Variants in PRKN observed in about 807,000 individuals in gnomAD.
PRKN encodes the protein E3 ubiquitin-protein ligase parkin.
A neutral mutation model predicts 59.5 loss-of-function variants in PRKN; 56 were observed. The ratio of observed to expected loss-of-function variants is 0.94; its 90% CI spans 0.76 to 1.18. The LOEUF is 1.18. PRKN is among the 50% of genes most tolerant of loss of function. The pLI, the probability that PRKN is intolerant of heterozygous loss-of-function variation, is 0.00. For missense variants in PRKN, 657 were observed against 596.4 expected (o/e 1.10, Z -1.06); for synonymous variants, 250 against 222.1 (o/e 1.13, Z -1.12).
At chr6:161,737,659 G>C (rs1230614887) in intron 7 of PRKN, among the ~76,000 whole-genome samples, 2 of 152,146 alleles carry the variant, frequency 1.3e-5, no homozygotes, top group Admixed American at 1.3e-4. Flanking sequence ...AGCCCAGCAA[G>C]ATTACAGAGC....
At chr6:161,791,105 C>T (rs1443765207) in intron 6 of PRKN, among the ~76,000 whole-genome samples, 1 of 152,092 alleles carries the variant, frequency 6.6e-6, no homozygotes. Flanking sequence ...GATGATTTCA[C>T]CCCAATGGGC....
rs1215777570 is a variant in PRKN at position 161,446,663 on chromosome 6, C to T, written c.1084-59786G>A. Among the ~76,000 whole-genome samples the T allele has an allele frequency of 2.0e-5, 3 of 152,096 alleles. No individual in the cohort carries two copies. Among genetic ancestry groups the T allele is most frequent in the East Asian group, 1.9e-4 (1 of 5,192 alleles). The stretch of plus-strand genomic sequence containing the variant: ...TCTTTTCTACCCATGATTTATTAGA[C>T]CTCCCCTTTCTATCAAATTAAAGCT... On this transcript the variant is annotated intron_variant, in intron 9 of 11. Coordinates refer to ENST00000366898, the MANE Select transcript of PRKN (RefSeq NM_004562.3). This position sits in a 1 kb window ranked among gnomAD's most constrained non-coding sequence, Gnocchi z 6.2.
chr6:162,365,502 G>A (rs985078635), intron 2 of PRKN, among the ~76,000 whole-genome samples: 9 of 151,964 alleles, frequency 5.9e-5, no homozygotes, highest in Admixed American at 2.6e-4. Context: ...GGACTCTTAC[G>A]TGATTTACTA....
At chr6:162,081,277 G>T (rs1252145317) in intron 4 of PRKN, among the ~76,000 whole-genome samples, 1 of 152,004 alleles carries the variant, frequency 6.6e-6, no homozygotes. Context: ...ACTTTCCCCA[G>T]ATCCATCAGA....
intron 6 of PRKN, among the ~76,000 whole-genome samples, chr6:161,867,969 C>T (rs1055977775): frequency 1.3e-5 from 2 of 151,710 alleles, no homozygotes; most frequent in Non-Finnish European, 2.9e-5. Flanking sequence ...CCATGTTGGC[C>T]ATTCTGGTCT....
chr6:162,283,969 T>A (rs1043298994), intron 2 of PRKN, among the ~76,000 whole-genome samples: 2 of 152,130 alleles, frequency 1.3e-5, no homozygotes, highest in South Asian at 4.1e-4. Flanking sequence ...ACAAACATAC[T>A]AAGTACACAT....
intron 6 of PRKN, among the ~76,000 whole-genome samples, chr6:161,808,274 A>T (rs1402133396): frequency 6.6e-6 from 1 of 152,292 alleles, no homozygotes; most frequent in South Asian, 2.1e-4. Flanking sequence ...TATTCTGCAA[A>T]GGACATCATT....
At chr6:162,727,127 A>T (rs1779261474) in intron 1 of PRKN, 1 of 152,570 alleles carries the variant, frequency 6.6e-6, no homozygotes, top group Non-Finnish European at 1.5e-5. Context: ...CGAGGGAGCA[A>T]GTTTAGATCT....
At chr6:162,521,025 T>G (rs1317198144) in intron 1 of PRKN, among the ~76,000 whole-genome samples, 2 of 152,158 alleles carry the variant, frequency 1.3e-5, no homozygotes, top group African/African-American at 4.8e-5. Context: ...AAATCCATGA[T>G]TAATATTTTT....
chr6:162,568,419 C>T lies in PRKN; in HGVS notation c.8-124946G>A, dbSNP rs959272395. The stretch of plus-strand genomic sequence containing the variant: ...ACCCAGAAGTCCTATAAGGTGTCCA[C>T]CTCTATGGGCAGCAGCAGCTTCCGG... On this transcript the variant is annotated intron_variant, in intron 1 of 11. Coordinates refer to ENST00000366898, the MANE Select transcript of PRKN (RefSeq NM_004562.3). 15 of 575,048 alleles carry T rather than the reference C, an allele frequency of 2.6e-5. No individual in the cohort carries two copies. In the Admixed American group the frequency reaches 3.3e-4, roughly 13 times the overall value. The allele number at this position is 575,048 out of a possible 1,614,324, so 35.6% of individuals were successfully genotyped here.
chr6:161,364,194 A>G (rs1379431320), intron 10 of PRKN, among the ~76,000 whole-genome samples: 1 of 149,318 alleles, frequency 6.7e-6, no homozygotes, highest in African/African-American at 2.5e-5. Context: ...AAAAGAAAAG[A>G]AAACAAACAA....
chr6:161,662,831 C>A (rs189965814), intron 7 of PRKN, among the ~76,000 whole-genome samples: 109 of 152,232 alleles, frequency 7.2e-4, no homozygotes, highest in African/African-American at 2.5e-3. Flanking sequence ...ATGAGGATAT[C>A]TGTGGTGAAA....
chr6:162,289,880 A>G (rs1004337786), intron 2 of PRKN, among the ~76,000 whole-genome samples: 2 of 152,106 alleles, frequency 1.3e-5, no homozygotes, highest in Non-Finnish European at 2.9e-5. Context: ...GGAGAAAGGG[A>G]AAGGAAGAAC....
At chr6:162,151,103 G>A (rs775118806) in intron 4 of PRKN, among the ~76,000 whole-genome samples, 3 of 152,160 alleles carry the variant, frequency 2.0e-5, no homozygotes, top group Non-Finnish European at 2.9e-5. Flanking sequence ...ATCAGAGGCC[G>A]TCCACAATAC....
At chr6:162,605,664 T>G (rs1781883917) in intron 1 of PRKN, among the ~76,000 whole-genome samples, 1 of 152,154 alleles carries the variant, frequency 6.6e-6, no homozygotes, top group Non-Finnish European at 1.5e-5. Context: ...TTTACCTGTA[T>G]ACTTATATAG....
chr6:161,987,801 A>G (rs1781489340), intron 5 of PRKN, among the ~76,000 whole-genome samples: 1 of 152,226 alleles, frequency 6.6e-6, no homozygotes, highest in Non-Finnish European at 1.5e-5. Context: ...CTTTTGTGTC[A>G]TAAGGACACC....
intron 4 of PRKN, among the ~76,000 whole-genome samples, chr6:162,088,895 C>T (rs1384468615): frequency 3.3e-5 from 5 of 152,090 alleles, no homozygotes; most frequent in Admixed American, 3.3e-4. Context: ...CATCACATTA[C>T]ATATAAAAAT....
intron 1 of PRKN, among the ~76,000 whole-genome samples, chr6:162,686,821 T>G (rs1348865607): frequency 6.6e-6 from 1 of 152,156 alleles, no homozygotes; most frequent in African/African-American, 2.4e-5. Context: ...CAGCTGGCAC[T>G]CCGTAGATAT....
chr6:161,848,067 A>G (rs1793273053), intron 6 of PRKN, among the ~76,000 whole-genome samples: 1 of 152,206 alleles, frequency 6.6e-6, no homozygotes, highest in South Asian at 2.1e-4. Context: ...GACTGGAATT[A>G]TTGTCTGAGG....
Sources: gnomAD v4.1 joint callset for allele counts (sites outside exome capture counted in the v4.1 genomes callset) on GRCh38, gnomAD v4.1.1 for gene constraint, Gnocchi (gnomAD v3.1) non-coding constraint, MANE v1.5 for transcripts, NCBI Gene and HGNC (gene_info 2026-07-23, HGNC 2026-07-21) for gene names.